Variants in FBXL19 observed in about 807,000 individuals in gnomAD.
FBXL19 encodes the protein F-box and leucine rich repeat protein 19, also known as F-box/LRR-repeat protein 19.
In FBXL19, 16 loss-of-function variants were observed where a neutral mutation model predicts 71.2. The observed-to-expected ratio is 0.22, with a 90% CI of 0.15 to 0.34. FBXL19 has a LOEUF of 0.34. Among genes scored for constraint, FBXL19 ranks in the 10% least tolerant of loss-of-function variants. The pLI is 1.00. For missense variants in FBXL19, 658 were observed against 968.2 expected (o/e 0.68, Z 4.25); for synonymous variants, 447 against 409.4 (o/e 1.09, Z -1.11).
intron 6 of FBXL19, among the ~76,000 whole-genome samples, chr16:30,929,185 C>T (rs1470148115): frequency 6.6e-6 from 1 of 152,162 alleles, no homozygotes; most frequent in Non-Finnish European, 1.5e-5. Context: ...CAGGAGTCCG[C>T]CTGATTGGGT....
At chr16:30,943,446 A>C (rs1364513098) in intron 9 of FBXL19, among the ~76,000 whole-genome samples, 6 of 127,848 alleles carry the variant, frequency 4.7e-5, no homozygotes, top group South Asian at 2.4e-4. Context: ...GCTATCTCGG[A>C]TCACTGCAAG....
At chr16:30,928,946 A>G (rs1596650736) in intron 6 of FBXL19, among the ~76,000 whole-genome samples, 1 of 152,068 alleles carries the variant, frequency 6.6e-6, no homozygotes, top group African/African-American at 2.4e-5. Context: ...CTTGTCAGCC[A>G]CCCTGAGCCT....
At chr16:30,929,011 C>G (rs538283541) in intron 6 of FBXL19, among the ~76,000 whole-genome samples, 1 of 152,154 alleles carries the variant, frequency 6.6e-6, no homozygotes, top group Non-Finnish European at 1.5e-5. Context: ...CCCCTTATCC[C>G]GCAGAAGTGT....
At position 30,925,828 on chromosome 16, in the gene FBXL19, G is replaced by A; in HGVS notation, c.74G>A (p.Cys25Tyr). The change falls in exon 2 of 11, where the codon TGT (cysteine) becomes TAT (tyrosine). Residue 25 changes from cysteine to tyrosine, a missense_variant. Cys to Tyr is a radical substitution (Grantham distance 194, BLOSUM62 -2). Transcript: ENST00000338343. This position sits in a 1 kb window ranked among gnomAD's most constrained non-coding sequence, Gnocchi z 5.0. ...RRTRCRRCRA[C>Y]VRTECGDCHF... ...ACCCGCTGCCGCCGCTGCCGGGCCT[G>A]TGTGCGAACTGAGTGCGGGGATTGC... 1 of 1,511,650 alleles carries A rather than the reference G, an allele frequency of 6.6e-7. No individual in the cohort carries two copies. Among genetic ancestry groups the A allele is most frequent in the Admixed American group, 2.4e-5 (1 of 42,070 alleles). The allele number at this position is 1,511,650 out of a possible 1,614,324, so 93.6% of individuals were successfully genotyped here.
rs1241321074 is a variant in FBXL19 at position 30,936,637 on chromosome 16, G to A, written c.1302-5479G>A. On this transcript the variant is annotated intron_variant, in intron 7 of 10. Transcript: ENST00000338343. ...TTTTTTTTTGTTTTTTAGTAGAGAC[G>A]GGGTTTCACCATGTTAGCCAGGATG... Among the ~76,000 whole-genome samples the A allele has an allele frequency of 4.1e-4, 58 of 140,846 alleles. No homozygotes were observed. The Middle Eastern group carries it at 0.011, about 27-fold the overall frequency. 92.4% of individuals were successfully genotyped at this position (140,846 alleles called of 152,430 possible).
At chr16:30,931,357 G>T (rs2055671724) in intron 7 of FBXL19, among the ~76,000 whole-genome samples, 1 of 152,142 alleles carries the variant, frequency 6.6e-6, no homozygotes, top group African/African-American at 2.4e-5. Context: ...CAGTTGCTGG[G>T]GTGGGAGCAG....
chr16:30,946,761 G>A lies in FBXL19; in HGVS notation c.1659G>A (p.Gly553=), dbSNP rs1236043195. ...CAGAGAGCCGTGGTCGGCTGCAGGG[G>A]GTGGCAGAACTGCGTCTGGCAGGTT... is the stretch of plus-strand genomic sequence containing the variant. The part of the protein sequence containing the change: ...GQTESRGRLQ[G]VAELRLAGLE... Residue 553 remains glycine, a synonymous_variant, in exon 10 of 11, where the codon GGG becomes GGA. Coordinates refer to ENST00000338343, the MANE Select transcript of FBXL19 (RefSeq NM_001382779.1). The surrounding 1 kb of genome is among the most constrained non-coding windows in gnomAD (Gnocchi z 6.7). 1 of 1,613,324 alleles carries A rather than the reference G, an allele frequency of 6.2e-7. No homozygotes were observed. Among genetic ancestry groups the A allele is most frequent in the Non-Finnish European group, 8.5e-7 (1 of 1,179,768 alleles).
rs1027849664 is a variant in FBXL19 at position 30,947,702 on chromosome 16, A to G, written c.*472A>G. 3 of 344,450 alleles carry G rather than the reference A, an allele frequency of 8.7e-6. No homozygotes were observed. Among genetic ancestry groups the G allele is most frequent in the Non-Finnish European group, 1.7e-5 (3 of 173,266 alleles). 21.3% of individuals were successfully genotyped at this position (344,450 alleles called of 1,614,324 possible). A position where few individuals can be genotyped will look rare whatever the true frequency, so the allele number is the denominator to read the frequency against. On this transcript the variant is annotated 3_prime_UTR_variant, in exon 11 of 11. Coordinates refer to ENST00000338343, the MANE Select transcript of FBXL19 (RefSeq NM_001382779.1). ...GGGGTGGGGGTGGGGCCACAAAAGG[A>G]AAACCGGAGGAGCAATTGGGGATCC...
intron 7 of FBXL19, among the ~76,000 whole-genome samples, chr16:30,935,678 AG>A (rs1448468994): frequency 2.6e-5 from 4 of 152,054 alleles, no homozygotes; most frequent in African/African-American, 9.7e-5. Flanking sequence ...TTGGAGCCCT[AG>A]GGGCCGTGAG....
intron 2 of FBXL19, among the ~76,000 whole-genome samples, chr16:30,926,652 T>A (rs2055595576): frequency 6.6e-6 from 1 of 151,360 alleles, no homozygotes; most frequent in Non-Finnish European, 1.5e-5. Context: ...TCTTCACCCC[T>A]CAGCCCCTCA....
chr16:30,930,334 C>T lies in FBXL19; in HGVS notation c.1051C>T (p.Arg351Trp), dbSNP rs1192781166. 2.5e-6 allele frequency: 4 copies of T among 1,595,456 alleles called. No homozygotes were observed. The highest frequency in any genetic ancestry group is 1.7e-5 in the Admixed American group (1 of 58,788). ...SGEKENRGGR[R>W]AVRPGSGGPL... ...CGAGAAGGAGAACCGTGGGGGGCGG[C>T]GGGCTGTGCGCCCTGGCAGTGGGGG... is the stretch of plus-strand genomic sequence containing the variant. Residue 351 changes from arginine to tryptophan, a missense_variant, in exon 7 of 11, where the codon CGG (arginine) becomes TGG (tryptophan). Physicochemically the swap from Arg to Trp is moderately radical, Grantham distance 101 (BLOSUM62 -3). Coordinates refer to ENST00000338343, the MANE Select transcript of FBXL19 (RefSeq NM_001382779.1). The surrounding 1 kb of genome is among the most constrained non-coding windows in gnomAD (Gnocchi z 8.5).
Position 30,925,577 on chromosome 16 carries a change from G to C in FBXL19, c.-24-154G>C. The C allele has an allele frequency of 1.3e-6, 1 of 784,088 alleles. No homozygotes were observed. Among genetic ancestry groups the C allele is most frequent in the South Asian group, 2.4e-5 (1 of 41,132 alleles). The allele number at this position is 784,088 out of a possible 1,614,324, so 48.6% of individuals were successfully genotyped here. On this transcript the variant is annotated intron_variant, in intron 1 of 10. Transcript: ENST00000338343. This position sits in a 1 kb window ranked among gnomAD's most constrained non-coding sequence, Gnocchi z 5.0. ...TGCAGGGAGACAGGCCTTGAGTAGA[G>C]GATTGGCCCCCAGATACACAGAAGG...
At position 30,928,104 on chromosome 16, in the gene FBXL19, T is replaced by C. The variant is rs1596650262; in HGVS notation, c.627+141T>C. On this transcript the variant is annotated intron_variant, in intron 5 of 10. Transcript: ENST00000338343. ...ACTGTTGGGAGATGTAGTTCAGGAG[T>C]TGGGTGGGGGGAGGATAGAGCATGC... The C allele has an allele frequency of 5.4e-6, 3 of 554,080 alleles. No individual in the cohort carries two copies. The East Asian group carries it at 1.0e-4, about 19-fold the overall frequency. 34.3% of individuals were successfully genotyped at this position (554,080 alleles called of 1,614,324 possible).
In FBXL19 at chr16:30,946,865, C is replaced by T. The variant is rs2143398990; in HGVS notation, c.1763C>T (p.Ala588Val). 1 of 1,611,672 alleles carries T rather than the reference C, an allele frequency of 6.2e-7. No individual in the cohort carries two copies. The highest frequency in any genetic ancestry group is 2.2e-5 in the East Asian group (1 of 44,850). ...QLSALDLSHC[A>V]HVGDPSVHLL... ...AGCGCCCTGGACCTGAGCCACTGCGCCCACGTCGGGGACCCCAGTGTTCAC... is the reference window on the plus strand; with the variant it reads ...AGCGCCCTGGACCTGAGCCACTGCGTCCACGTCGGGGACCCCAGTGTTCAC... Residue 588 changes from alanine (A) to valine (V), a missense_variant, in exon 10 of 11, where the codon GCC becomes GTC. Transcript: ENST00000338343. This position sits in a 1 kb window ranked among gnomAD's most constrained non-coding sequence, Gnocchi z 6.7.
intron 2 of FBXL19, among the ~76,000 whole-genome samples, chr16:30,926,903 C>G (rs1443068339): frequency 6.6e-6 from 1 of 152,128 alleles, no homozygotes; most frequent in Non-Finnish European, 1.5e-5. Context: ...GCTCATGGAG[C>G]GACCTTGGTA....
Position 30,930,049 on chromosome 16 carries a change from A to C in FBXL19, c.790-24A>C. 6.2e-7 allele frequency: 1 copy of C among 1,600,216 alleles called. No individual in the cohort carries two copies. The highest frequency in any genetic ancestry group is 1.1e-5 in the South Asian group (1 of 89,894). On this transcript the variant is annotated intron_variant, in intron 6 of 10. Coordinates refer to ENST00000338343, the MANE Select transcript of FBXL19 (RefSeq NM_001382779.1). This position sits in a 1 kb window ranked among gnomAD's most constrained non-coding sequence, Gnocchi z 8.5. ...GAAAATGTATCCCAGGCCCTAGAAC[A>C]GCATCAACCCTGTCTCCCTGCAGAA...
chr16:30,933,827 G>C (rs1002569231), intron 7 of FBXL19, among the ~76,000 whole-genome samples: 3 of 146,800 alleles, frequency 2.0e-5, no homozygotes, highest in African/African-American at 7.6e-5. Context: ...ATCTCGGCTC[G>C]CCACAACCTC....
rs1255662127 is a variant in FBXL19 at position 30,927,459 on chromosome 16, C to A, written c.321+8C>A. The A allele has an allele frequency of 6.3e-7, 1 of 1,585,002 alleles. No homozygotes were observed. Among genetic ancestry groups the A allele is most frequent in the Admixed American group, 1.8e-5 (1 of 55,118 alleles). ...CACCCCGGCTGCCTGAAGGTGATGG[C>A]CCTGGGACCCCGGCGTCTGGGGTGG... On this transcript the variant is annotated splice_region_variant and intron_variant, in intron 3 of 10. Coordinates refer to ENST00000338343, the MANE Select transcript of FBXL19 (RefSeq NM_001382779.1).
At chr16:30,928,959 G>A (rs1425305618) in intron 6 of FBXL19, among the ~76,000 whole-genome samples, 2 of 152,192 alleles carry the variant, frequency 1.3e-5, no homozygotes, top group African/African-American at 2.4e-5. Context: ...CTGAGCCTTA[G>A]TTTCTTTATC....
Sources: gnomAD v4.1 joint callset for allele counts (sites outside exome capture counted in the v4.1 genomes callset) on GRCh38, gnomAD v4.1.1 for gene constraint, Gnocchi (gnomAD v3.1) non-coding constraint, MANE v1.5 for transcripts, NCBI Gene and HGNC (gene_info 2026-07-23, HGNC 2026-07-21) for gene names.